The following CACNB2 variants were observed in gnomAD, a reference collection of about 807,000 sequenced individuals.
The protein encoded by CACNB2 is calcium voltage-gated channel auxiliary subunit beta 2.
CACNB2 carries 42 observed loss-of-function variants against 73.3 expected under a neutral mutation model. The observed-to-expected ratio is 0.57, with a 90% CI of 0.45 to 0.74. The LOEUF is 0.74. CACNB2 is among the 30% of genes least tolerant of loss of function. CACNB2 has a pLI of 0.00. For missense variants in CACNB2, 940 were observed against 853.0 expected (o/e 1.10, Z -1.27); for synonymous variants, 348 against 310.3 (o/e 1.12, Z -1.28).
At chr10:18,188,727 G>T (rs777488178) in intron 2 of CACNB2, among the ~76,000 whole-genome samples, 1 of 152,018 alleles carries the variant, frequency 6.6e-6, no homozygotes. Flanking sequence ...AAATCATCTC[G>T]TTATAGCACA....
chr10:18,416,553 A>G (rs924533302), intron 3 of CACNB2, among the ~76,000 whole-genome samples: 1 of 152,194 alleles, frequency 6.6e-6, no homozygotes, highest in South Asian at 2.1e-4. Context: ...AGTAGCTGGG[A>G]CTACAGGTGT....
intron 2 of CACNB2, among the ~76,000 whole-genome samples, chr10:18,247,920 A>G (rs1161278511): frequency 6.6e-6 from 1 of 152,182 alleles, no homozygotes. Context: ...CCCCTGTTTC[A>G]TAAATGGTAC....
intron 2 of CACNB2, among the ~76,000 whole-genome samples, chr10:18,163,132 A>G (rs2032594312): frequency 6.6e-6 from 1 of 152,126 alleles, no homozygotes; most frequent in South Asian, 2.1e-4. Flanking sequence ...ATCGTAAAGG[A>G]ATCATTTGAT....
At chr10:18,186,415 G>A (rs527302016) in intron 2 of CACNB2, among the ~76,000 whole-genome samples, 60 of 146,714 alleles carry the variant, frequency 4.1e-4, no homozygotes, top group South Asian at 1.5e-3. Context: ...GTGAAACTCC[G>A]TCTGAAAAAA....
intron 3 of CACNB2, among the ~76,000 whole-genome samples, chr10:18,477,116 G>T (rs542377120): frequency 6.6e-6 from 1 of 152,116 alleles, no homozygotes; most frequent in Non-Finnish European, 1.5e-5. Flanking sequence ...TTATTTGAGC[G>T]TGGAAAGTTG....
chr10:18,301,613 C>A (rs2039512647), intron 2 of CACNB2, among the ~76,000 whole-genome samples: 1 of 150,776 alleles, frequency 6.6e-6, no homozygotes, highest in Non-Finnish European at 1.5e-5. Flanking sequence ...ACGAAACAAG[C>A]TGTTCAGGTA....
intron 7 of CACNB2, among the ~76,000 whole-genome samples, chr10:18,517,388 G>A (rs1334342404): frequency 6.6e-6 from 1 of 152,104 alleles, no homozygotes; most frequent in Non-Finnish European, 1.5e-5. Context: ...TTGGAAAGAT[G>A]TTATTTTACC....
At chr10:18,530,871 A>G (rs983326092) in intron 10 of CACNB2, among the ~76,000 whole-genome samples, 13 of 152,224 alleles carry the variant, frequency 8.5e-5, no homozygotes, top group African/African-American at 3.1e-4. Context: ...CCCACTGGCC[A>G]TAAAGCTCTA....
intron 2 of CACNB2, among the ~76,000 whole-genome samples, chr10:18,265,936 A>G (rs1449215211): frequency 6.6e-6 from 1 of 152,174 alleles, no homozygotes; most frequent in East Asian, 1.9e-4. Context: ...ATGACTAGAT[A>G]CTGGAAGGTA....
intron 2 of CACNB2, among the ~76,000 whole-genome samples, chr10:18,338,825 A>G (rs1055006971): frequency 2.2e-5 from 3 of 138,248 alleles, no homozygotes; most frequent in African/African-American, 8.3e-5. Context: ...TGCAGCCTCT[A>G]CCTCTCAGGT....
chr10:18,245,115 C>T (rs1278182366), intron 2 of CACNB2, among the ~76,000 whole-genome samples: 2 of 151,204 alleles, frequency 1.3e-5, no homozygotes, highest in African/African-American at 2.4e-5. Context: ...AGACTCATTT[C>T]GGACTCCCAG....
rs1302655499 is a variant in CACNB2, at chr10:18,518,375, C to A, written c.844C>A (p.Arg282=). 5.0e-6 allele frequency: 8 copies of A among 1,613,614 alleles called. No homozygotes were observed. Among genetic ancestry groups the A allele is most frequent in the Non-Finnish European group, 6.8e-6 (8 of 1,179,574 alleles). Reference sequence around the variant, plus strand: ...TCCGTATGATGTGGTACCTTCCATGCGACCAGTGGTCCTAGTGGGCCCTTC... The same window carrying A: ...TCCGTATGATGTGGTACCTTCCATGAGACCAGTGGTCCTAGTGGGCCCTTC... ...TPPYDVVPSM[R]PVVLVGPSLK... The change falls in exon 8 of 14, where the codon CGA becomes AGA. Residue 282 remains arginine (R), a synonymous_variant. Transcript: ENST00000324631.
At chr10:18,374,855 C>G (rs2042729462) in intron 2 of CACNB2, among the ~76,000 whole-genome samples, 1 of 152,120 alleles carries the variant, frequency 6.6e-6, no homozygotes, top group Non-Finnish European at 1.5e-5. Context: ...GAAACTCAGC[C>G]TTAGAACTGT....
At chr10:18,299,202 A>G (rs939673560) in intron 2 of CACNB2, among the ~76,000 whole-genome samples, 1 of 152,346 alleles carries the variant, frequency 6.6e-6, no homozygotes, top group African/African-American at 2.4e-5. Flanking sequence ...GAAGTCGCAT[A>G]TAATGCCTCT....
intron 3 of CACNB2, among the ~76,000 whole-genome samples, chr10:18,497,195 A>C (rs1381603267): frequency 1.3e-5 from 2 of 148,934 alleles, no homozygotes; most frequent in East Asian, 1.9e-4. Flanking sequence ...CTGGGCTACA[A>C]AGTAAGACTC....
intron 2 of CACNB2, among the ~76,000 whole-genome samples, chr10:18,370,118 C>G (rs1458715782): frequency 1.3e-5 from 2 of 152,120 alleles, no homozygotes; most frequent in African/African-American, 4.8e-5. Context: ...ACTAGCCCTG[C>G]CTGGTTATTG....
Position 18,402,061 on chromosome 10 carries a change from C to A in CACNB2, c.333+18C>A. ...AAGCAAAGGTAAAATCGTTTCCTCC[C>A]TGCCAAGATCTTTGCAAGTTGTGCT... On this transcript the variant is annotated intron_variant, in intron 3 of 13. Coordinates refer to ENST00000324631, the MANE Select transcript of CACNB2 (RefSeq NM_201596.3). The A allele has an allele frequency of 6.2e-7, 1 of 1,612,226 alleles. No individual in the cohort carries two copies. Among genetic ancestry groups the A allele is most frequent in the Middle Eastern group, 1.7e-4 (1 of 6,058 alleles).
At chr10:18,439,918 AAT>A (rs1486352832) in intron 3 of CACNB2, among the ~76,000 whole-genome samples, 7 of 152,198 alleles carry the variant, frequency 4.6e-5, no homozygotes, top group Admixed American at 4.6e-4. Flanking sequence ...GCCACATGCA[AAT>A]ATATATGTAG....
intron 2 of CACNB2, among the ~76,000 whole-genome samples, chr10:18,172,924 C>CTT (rs58345605): frequency 2.6e-5 from 3 of 117,472 alleles, no homozygotes; most frequent in Non-Finnish European, 5.1e-5. Context: ...ATAATAAGGC[C>CTT]TTTTTTTTTT....
Sources: allele counts gnomAD v4.1 joint callset (sites outside exome capture counted in the v4.1 genomes callset), GRCh38; gene constraint gnomAD v4.1.1; transcripts MANE v1.5; gene names NCBI Gene and HGNC (gene_info 2026-07-23, HGNC 2026-07-21).